Variants in SLC1A2 observed in about 807,000 individuals in gnomAD.
SLC1A2 encodes the protein excitatory amino acid transporter 2.
A neutral mutation model predicts 48.8 loss-of-function variants in SLC1A2; 15 were observed. The ratio of observed to expected loss-of-function variants is 0.31; its 90% CI spans 0.21 to 0.47. SLC1A2 has a LOEUF of 0.47. SLC1A2 is among the 20% of genes least tolerant of loss of function. The pLI, the probability that SLC1A2 is intolerant of heterozygous loss-of-function variation, is 0.99. For missense variants in SLC1A2, 502 were observed against 730.5 expected (o/e 0.69, Z 3.61); for synonymous variants, 279 against 272.6 (o/e 1.02, Z -0.23).
intron 1 of SLC1A2, among the ~76,000 whole-genome samples, chr11:35,373,655 T>C (rs1248298948): frequency 6.6e-6 from 1 of 152,124 alleles, no homozygotes; most frequent in South Asian, 2.1e-4. Context: ...GGGCTGTGGG[T>C]GCCCCATCTG....
At chr11:35,311,817 A>G (rs953830788) in intron 4 of SLC1A2, among the ~76,000 whole-genome samples, 1 of 150,484 alleles carries the variant, frequency 6.6e-6, no homozygotes, top group African/African-American at 2.4e-5. Flanking sequence ...TGGACAACTC[A>G]AAGACACATT....
At chr11:35,349,248 C>T (rs1282414932) in intron 1 of SLC1A2, among the ~76,000 whole-genome samples, 1 of 151,864 alleles carries the variant, frequency 6.6e-6, no homozygotes, top group African/African-American at 2.4e-5. Flanking sequence ...AAAACCAGCG[C>T]CAAATCGAAA....
rs186344975 is a variant in SLC1A2, at chr11:35,327,137, C to T, written c.18-9621G>A. Reference sequence around the variant, plus strand: ...CTTGAATGCTAGCAATTTTATTCTCCTTTTTTTCCTTTTTAATCCAGATGC... The same window carrying T: ...CTTGAATGCTAGCAATTTTATTCTCTTTTTTTTCCTTTTTAATCCAGATGC... On this transcript the variant is annotated intron_variant, in intron 1 of 10. Coordinates refer to ENST00000278379, the MANE Select transcript of SLC1A2 (RefSeq NM_004171.4). Among the ~76,000 whole-genome samples, 196 of 152,272 alleles carry T rather than the reference C, an allele frequency of 1.3e-3. 2 individuals are homozygous for T. The highest frequency in any genetic ancestry group is 4.6e-3 in the African/African-American group (189 of 41,536).
chr11:35,274,294 C>A (rs1229473077), intron 9 of SLC1A2, among the ~76,000 whole-genome samples: 1 of 152,136 alleles, frequency 6.6e-6, no homozygotes, highest in Non-Finnish European at 1.5e-5. Context: ...TAGCCCTGCC[C>A]CATCCCGCCT....
At chr11:35,352,710 T>A (rs1351237946) in intron 1 of SLC1A2, among the ~76,000 whole-genome samples, 1 of 152,222 alleles carries the variant, frequency 6.6e-6, no homozygotes. Context: ...TGTTTTGTAA[T>A]ACACCTTACT....
At chr11:35,306,473 T>A (rs1284565237) in intron 4 of SLC1A2, among the ~76,000 whole-genome samples, 1 of 152,202 alleles carries the variant, frequency 6.6e-6, no homozygotes, top group African/African-American at 2.4e-5. Context: ...AATTACACAA[T>A]TTTTTATTTG....
chr11:35,307,182 G>A (rs979444917), intron 4 of SLC1A2: 2 of 149,010 alleles, frequency 1.3e-5, no homozygotes, highest in African/African-American at 4.9e-5. Context: ...ACTGGACAGG[G>A]GTATCACAGG....
intron 1 of SLC1A2, among the ~76,000 whole-genome samples, chr11:35,318,748 A>ATAG (rs761451880): frequency 8.5e-5 from 13 of 152,252 alleles, no homozygotes; most frequent in Non-Finnish European, 1.5e-4. Flanking sequence ...ATATGCTAGC[A>ATAG]TAGTACCTTT....
rs1854646564 is a variant in SLC1A2 at position 35,388,269 on chromosome 11, A to G, written c.17+30681T>C. On this transcript the variant is annotated intron_variant, in intron 1 of 10. Transcript: ENST00000278379. ...ATTTATTTAAAATGTCTTTCATCCCATTGCTAAAGAGCAGGGAGGAAAAGT... is the reference window on the plus strand; with the variant it reads ...ATTTATTTAAAATGTCTTTCATCCCGTTGCTAAAGAGCAGGGAGGAAAAGT... Among the ~76,000 whole-genome samples the G allele has an allele frequency of 2.0e-5, 3 of 152,250 alleles. No individual in the cohort carries two copies. The South Asian group carries it at 6.2e-4, about 32-fold the overall frequency.
intron 1 of SLC1A2, chr11:35,322,666 G>A: frequency 2.0e-6 from 3 of 1,528,964 alleles, no homozygotes; most frequent in Non-Finnish European, 2.6e-6. Flanking sequence ...CCTACTGGAA[G>A]ACACTAGGTC....
chr11:35,357,996 T>G (rs1026260846), intron 1 of SLC1A2, among the ~76,000 whole-genome samples: 6 of 152,010 alleles, frequency 3.9e-5, no homozygotes, highest in African/African-American at 1.5e-4. Flanking sequence ...AATACAAAAA[T>G]TAGCTGGGTG....
Position 35,337,761 on chromosome 11 carries a change from T to C in SLC1A2, c.18-20245A>G, listed in dbSNP as rs138567502. Reference sequence around the variant, plus strand: ...GCCTCTTATCTGAGCCTAAGACTCATCTATAAAATGAGATGTTTGAGTTGG... The same window carrying C: ...GCCTCTTATCTGAGCCTAAGACTCACCTATAAAATGAGATGTTTGAGTTGG... On this transcript the variant is annotated intron_variant, in intron 1 of 10. Transcript: ENST00000278379. Among the ~76,000 whole-genome samples the C allele has an allele frequency of 1.8e-3, 267 of 152,224 alleles. 2 individuals carry two copies. Among genetic ancestry groups the C allele is most frequent in the African/African-American group, 6.4e-3 (265 of 41,532 alleles).
chr11:35,351,322 C>T (rs185437820), intron 1 of SLC1A2, among the ~76,000 whole-genome samples: 18 of 152,320 alleles, frequency 1.2e-4, no homozygotes, highest in African/African-American at 3.8e-4. Context: ...TCCTTCTCTG[C>T]CTCCCAAAAT....
intron 9 of SLC1A2, among the ~76,000 whole-genome samples, chr11:35,271,601 T>C (rs1313468740): frequency 6.6e-6 from 1 of 152,172 alleles, no homozygotes; most frequent in Non-Finnish European, 1.5e-5. Context: ...GACGTTTCTC[T>C]GGGAGGCTGA....
rs576986905 is a variant in SLC1A2 at position 35,257,561 on chromosome 11, C to G, written c.*3333G>C. ...ATGATTGCCCTGATTTTCTGATGCT[C>G]TTTGTATGGGAAGCATGCCCTCAAA... On this transcript the variant is annotated 3_prime_UTR_variant, in exon 11 of 11. Coordinates refer to ENST00000278379, the MANE Select transcript of SLC1A2 (RefSeq NM_004171.4). The G allele has an allele frequency of 1.3e-5, 2 of 152,254 alleles. No homozygotes were observed. The highest frequency in any genetic ancestry group is 1.9e-4 in the East Asian group (1 of 5,188). 9.4% of individuals were successfully genotyped at this position (152,254 alleles called of 1,614,324 possible).
chr11:35,296,645 C>T (rs549481368), intron 6 of SLC1A2, among the ~76,000 whole-genome samples: 1 of 152,256 alleles, frequency 6.6e-6, no homozygotes, highest in East Asian at 1.9e-4. Flanking sequence ...ACCAACCACA[C>T]TGCAGCCTCT....
intron 1 of SLC1A2, chr11:35,374,428 C>A: frequency 2.2e-6 from 1 of 463,632 alleles, no homozygotes; most frequent in East Asian, 5.5e-5. Flanking sequence ...AGAAAAGAGA[C>A]CTACAATTTG....
chr11:35,382,304 GT>G (rs1162538714), intron 1 of SLC1A2, among the ~76,000 whole-genome samples: 2 of 152,274 alleles, frequency 1.3e-5, no homozygotes, highest in Non-Finnish European at 2.9e-5. Flanking sequence ...CAGAGATTCT[GT>G]TAAACCTATT....
chr11:35,283,823 T>C (rs1426394811), intron 8 of SLC1A2, among the ~76,000 whole-genome samples: 2 of 152,032 alleles, frequency 1.3e-5, no homozygotes, highest in Non-Finnish European at 2.9e-5. Context: ...ATATTTTCCA[T>C]TGTCAGTAAC....
Sources: gnomAD v4.1 joint callset for allele counts (sites outside exome capture counted in the v4.1 genomes callset) on GRCh38, gnomAD v4.1.1 for gene constraint, MANE v1.5 for transcripts, NCBI Gene and HGNC (gene_info 2026-07-23, HGNC 2026-07-21) for gene names.